The following ARVCF variants were observed in gnomAD, a reference collection of about 807,000 sequenced individuals.
The protein encoded by ARVCF is ARVCF delta catenin family member, also known as splicing regulator ARVCF.
A neutral mutation model predicts 90.9 loss-of-function variants in ARVCF; 66 were observed. The ratio of observed to expected loss-of-function variants is 0.73; its 90% CI spans 0.60 to 0.89. ARVCF has a LOEUF of 0.89. Ranked by LOEUF, ARVCF falls within the 40% of genes least tolerant of loss-of-function variation. ARVCF has a pLI of 0.00. For synonymous variants in ARVCF, 653 were observed against 603.4 expected, an observed-to-expected ratio of 1.08 and a Z score of -1.21; for missense variants, 1,469 against 1,382.3, an observed-to-expected ratio of 1.06 and a Z score of -1.00.
chr22:19,997,308 T>C (rs1358640574), intron 2 of ARVCF, among the ~76,000 whole-genome samples: 2 of 152,186 alleles, frequency 1.3e-5, no homozygotes, highest in Non-Finnish European at 2.9e-5. Flanking sequence ...TCCCAGCAAC[T>C]GTCCCTCCTC....
At position 19,973,634 on chromosome 22, in the gene ARVCF, C is replaced by G. The variant is rs376958494; in HGVS notation, c.2239+9G>C. On this transcript the variant is annotated intron_variant, in intron 13 of 19. Coordinates refer to ENST00000263207, the MANE Select transcript of ARVCF (RefSeq NM_001670.3). ...GGTGCCCAGGCGTGGGCTTTGCAGG[C>G]GTCCTCACCGATGAGGTCTTTGTTG... 1 of 1,599,720 alleles carries G rather than the reference C, an allele frequency of 6.3e-7. No homozygotes were observed. The highest frequency in any genetic ancestry group is 1.7e-5 in the Admixed American group (1 of 59,616).
chr22:20,001,596 G>A (rs954828872), intron 2 of ARVCF, among the ~76,000 whole-genome samples: 1 of 152,144 alleles, frequency 6.6e-6, no homozygotes, highest in African/African-American at 2.4e-5. Flanking sequence ...CTGAGGTTGG[G>A]AGTTCGAGAC....
intron 1 of ARVCF, among the ~76,000 whole-genome samples, chr22:20,011,067 C>A (rs925405216): frequency 3.3e-4 from 50 of 152,268 alleles, no homozygotes; most frequent in African/African-American, 1.1e-3. Flanking sequence ...GGCCCTGGAG[C>A]TGTGGCCAGG....
rs2073748 is a variant in ARVCF, at chr22:19,981,448, G to A, written c.659C>T (p.Pro220Leu). 0.36 allele frequency: 555,632 copies of A among 1,551,074 alleles called. 100,498 individuals are homozygous for A. Among genetic ancestry groups the A allele is most frequent in the South Asian group, 0.46 (39,672 of 85,486 alleles). Residue 220 changes from proline to leucine, a missense_variant, in exon 5 of 20, where the codon CCA becomes CTA. Physicochemically the swap from Pro to Leu is moderately conservative, Grantham distance 98. Coordinates refer to ENST00000263207, the MANE Select transcript of ARVCF (RefSeq NM_001670.3). ...MRPPRAGPLGPGPGDGCFTLP... is the reference protein window; with the variant it reads ...MRPPRAGPLGLGPGDGCFTLP... ...TGTGAAGCAGCCATCACCAGGGCCT[G>A]GGCCAAGGGGGCCAGCACGTGGGGG...
intron 2 of ARVCF, among the ~76,000 whole-genome samples, chr22:19,993,078 G>A (rs538644964): frequency 2.2e-4 from 34 of 152,320 alleles, no homozygotes; most frequent in African/African-American, 7.5e-4. Flanking sequence ...GCCATGCTCA[G>A]GAGAGCAGAG....
At chr22:19,968,838 A>C, downstream of ARVCF, 2 of 1,126,422 alleles carry the variant, frequency 1.8e-6, no homozygotes, top group Non-Finnish European at 2.6e-6. Context: ...TGTGTCCTAA[A>C]TGCAAAGCAC....
downstream of ARVCF, chr22:19,966,862 C>G (rs1194969331): frequency 1.2e-6 from 1 of 862,440 alleles, no homozygotes; most frequent in African/African-American, 1.8e-5. Flanking sequence ...GGAGGAGAGT[C>G]TAAGGAGGGT....
rs143418138 is a variant in ARVCF at position 19,975,753 on chromosome 22, C to G, written c.1893G>C (p.Lys631Asn). ...AGTTCCGGTCCATCTCACCATCCTT[C>G]TTTCCTGGAAGGGAAAGGTGGTGGG... is the stretch of plus-strand genomic sequence containing the variant. ...KAKEEWFHQG[K>N]KDGEMDRNFD... Residue 631 changes from lysine (K) to asparagine (N), a missense_variant, in exon 11 of 20, where the codon AAG (lysine) becomes AAC (asparagine). By Grantham distance (94) the Lys-to-Asn change is moderately conservative. Coordinates refer to ENST00000263207, the MANE Select transcript of ARVCF (RefSeq NM_001670.3). The G allele has an allele frequency of 2.0e-4, 318 of 1,613,438 alleles. No homozygotes were observed. Among genetic ancestry groups the G allele is most frequent in the Non-Finnish European group, 2.5e-4 (298 of 1,179,966 alleles).
chr22:20,005,848 A>G (rs1486553353), intron 2 of ARVCF, among the ~76,000 whole-genome samples: 4 of 152,172 alleles, frequency 2.6e-5, no homozygotes, highest in Non-Finnish European at 5.9e-5. Context: ...TATGTGCACA[A>G]TCATATTCAC....
intron 3 of ARVCF, among the ~76,000 whole-genome samples, chr22:19,988,839 G>A (rs1041997950): frequency 5.3e-5 from 8 of 151,536 alleles, no homozygotes; most frequent in Admixed American, 3.3e-4. Flanking sequence ...ATCCCAGCCT[G>A]AGAAAATCAA....
At chr22:19,997,931 C>A (rs139881609) in intron 2 of ARVCF, among the ~76,000 whole-genome samples, 2 of 152,208 alleles carry the variant, frequency 1.3e-5, no homozygotes, top group Admixed American at 6.5e-5. Flanking sequence ...GGAGGGCAGG[C>A]GCAGTGGAGG....
chr22:19,976,436 A>C (rs1045438177), intron 10 of ARVCF, among the ~76,000 whole-genome samples: 1 of 152,122 alleles, frequency 6.6e-6, no homozygotes, highest in African/African-American at 2.4e-5. Context: ...GCCCCATTCT[A>C]TCAGAGAAAC....
At chr22:19,975,901 G>T in intron 10 of ARVCF, 144 bp from the exon 11 acceptor site, 1 of 779,762 alleles carries the variant, frequency 1.3e-6, no homozygotes, top group Non-Finnish European at 2.1e-6. Context: ...GTGGAGCACC[G>T]TTGTCAGAGT....
downstream of ARVCF, chr22:19,968,557 G>T (rs747375116): frequency 2.5e-5 from 41 of 1,614,066 alleles, no homozygotes; most frequent in Non-Finnish European, 3.4e-5. Flanking sequence ...GCTGCGGAAG[G>T]GGACAGTGCT....
intron 2 of ARVCF, among the ~76,000 whole-genome samples, chr22:19,995,387 G>C (rs528882866): frequency 3.7e-4 from 57 of 152,018 alleles, no homozygotes; most frequent in African/African-American, 1.0e-3. Context: ...TGAATGGAAG[G>C]GGGGGTGGGC....
chr22:19,977,693 A>G (rs1034154187), intron 8 of ARVCF, 107 bp from the exon 9 acceptor site: 14 of 1,411,290 alleles, frequency 9.9e-6, no homozygotes, highest in Non-Finnish European at 1.2e-5. Context: ...GAGCAAAGGA[A>G]CAGGGAGTCC....
Position 19,979,839 on chromosome 22 carries a change from C to T in ARVCF, c.1300G>A (p.Asp434Asn), listed in dbSNP as rs1373461673. 1 of 1,609,398 alleles carries T rather than the reference C, an allele frequency of 6.2e-7. No individual in the cohort carries two copies. Among genetic ancestry groups the T allele is most frequent in the Middle Eastern group, 1.7e-4 (1 of 6,054 alleles). Residue 434 changes from aspartate to asparagine, a missense_variant, in exon 6 of 20, where the codon GAC (aspartate) becomes AAC (asparagine). Physicochemically the swap from Asp to Asn is conservative, Grantham distance 23. Coordinates refer to ENST00000263207, the MANE Select transcript of ARVCF (RefSeq NM_001670.3). ...CAGTCCCGGATGGCGGCCTTGTTGT[C>T]AGTGTCGCGGCCATAGGAGAGGTTG... ...LRNLSYGRDTDNKAAIRDCGG... is the reference protein window; with the variant it reads ...LRNLSYGRDTNNKAAIRDCGG...
Position 19,972,430 on chromosome 22 carries a change from A to AG in ARVCF, c.2642-20dup. 1 of 1,607,518 alleles carries AG rather than the reference A, an allele frequency of 6.2e-7. No homozygotes were observed. The highest frequency in any genetic ancestry group is 8.5e-7 in the Non-Finnish European group (1 of 1,175,576). Reference sequence around the variant, plus strand: ...TCGCCCTCTGCAAGGCAGGAGGAGGAGACGGGCTGCATGTGGCAGCCAGGG... The same window carrying AG: ...TCGCCCTCTGCAAGGCAGGAGGAGGAGGACGGGCTGCATGTGGCAGCCAGGG... On this transcript the variant is annotated intron_variant, in intron 16 of 19. Coordinates refer to ENST00000263207, the MANE Select transcript of ARVCF (RefSeq NM_001670.3).
intron 1 of ARVCF, 140 bp downstream of exon 1, chr22:20,016,449 G>A (rs942124035): frequency 6.6e-6 from 1 of 152,046 alleles, no homozygotes; most frequent in Admixed American, 6.5e-5. Flanking sequence ...ACCCTCGCCC[G>A]GATCTCGACT....
Sources: gnomAD v4.1 joint callset for allele counts (sites outside exome capture counted in the v4.1 genomes callset) on GRCh38, gnomAD v4.1.1 for gene constraint, MANE v1.5 for transcripts, NCBI Gene and HGNC (gene_info 2026-07-23, HGNC 2026-07-21) for gene names.